Variants in DAB1 observed in about 807,000 individuals in gnomAD.
The protein encoded by DAB1 is disabled homolog 1.
Under a neutral mutation model 64.6 loss-of-function variants are expected in DAB1, and 15 were observed. The ratio of observed to expected loss-of-function variants is 0.23; its 90% CI spans 0.16 to 0.36. DAB1 has a LOEUF of 0.36. Ranked by LOEUF, DAB1 falls within the 10% of genes least tolerant of loss-of-function variation. DAB1 has a pLI of 1.00. For synonymous variants in DAB1, 235 were observed against 251.9 expected (o/e 0.93, Z 0.64); for missense variants, 596 against 706.7 (o/e 0.84, Z 1.78).
chr1:58,472,401 A>T (rs186875945), intron 3 of DAB1, among the ~76,000 whole-genome samples: 1 of 152,202 alleles, frequency 6.6e-6, no homozygotes, highest in Admixed American at 6.5e-5. Context: ...ATAACTTTAT[A>T]GTTTTTATTT....
intron 7 of DAB1, among the ~76,000 whole-genome samples, chr1:57,535,693 C>T (rs929135896): frequency 5.9e-5 from 9 of 152,048 alleles, no homozygotes; most frequent in Admixed American, 5.9e-4. Context: ...ATCTCCTGAC[C>T]TCGTGATCCA....
At chr1:58,493,031 A>C (rs936786854) in intron 3 of DAB1, among the ~76,000 whole-genome samples, 1 of 152,236 alleles carries the variant, frequency 6.6e-6, no homozygotes, top group Non-Finnish European at 1.5e-5. Flanking sequence ...AATACTGGCA[A>C]ACCAAATCCA....
chr1:57,337,644 G>A lies in DAB1; in HGVS notation c.-136-46478C>T, dbSNP rs564590564. Among the ~76,000 whole-genome samples the A allele has an allele frequency of 3.3e-4, 51 of 152,250 alleles. No individual in the cohort carries two copies. In the South Asian group the frequency reaches 8.1e-3, roughly 24 times the overall value. ...ATCCCATGATGGCAGAATCTGGTTG[G>A]TTTACTGCTGTATCTTCAGCACCTA... is the stretch of plus-strand genomic sequence containing the variant. On this transcript the variant is annotated intron_variant, in intron 1 of 14. Coordinates refer to ENST00000371236, the MANE Select transcript of DAB1 (RefSeq NM_001365792.1).
intron 3 of DAB1, among the ~76,000 whole-genome samples, chr1:58,381,137 C>T (rs965350881): frequency 2.0e-5 from 3 of 152,062 alleles, no homozygotes; most frequent in African/African-American, 7.2e-5. Context: ...CACGCTGGAG[C>T]CTGTCTCAGG....
intron 1 of DAB1, among the ~76,000 whole-genome samples, chr1:57,377,443 G>A (rs1157925397): frequency 6.6e-6 from 1 of 152,106 alleles, no homozygotes; most frequent in African/African-American, 2.4e-5. Context: ...AATCTTTGGG[G>A]AGAGGTGCCC....
At chr1:58,369,488 T>C (rs1644246144) in intron 3 of DAB1, among the ~76,000 whole-genome samples, 1 of 152,238 alleles carries the variant, frequency 6.6e-6, no homozygotes, top group Admixed American at 6.5e-5. Flanking sequence ...GTGCGTCTTA[T>C]AATCCATGAC....
At chr1:58,421,870 T>C (rs188543657) in intron 3 of DAB1, among the ~76,000 whole-genome samples, 3 of 152,172 alleles carry the variant, frequency 2.0e-5, no homozygotes, top group East Asian at 3.9e-4. Context: ...TGGGCAGTAG[T>C]ATAGGTTTTG....
At chr1:57,739,823 C>T (rs1312998002) in intron 6 of DAB1, among the ~76,000 whole-genome samples, 1 of 151,824 alleles carries the variant, frequency 6.6e-6, no homozygotes, top group East Asian at 2.0e-4. Context: ...TAAGAATTTT[C>T]ATCAGTAAAA....
intron 6 of DAB1, among the ~76,000 whole-genome samples, chr1:57,712,157 T>C (rs1462838017): frequency 6.6e-6 from 1 of 152,192 alleles, no homozygotes; most frequent in Non-Finnish European, 1.5e-5. Flanking sequence ...CATCTTATTT[T>C]AAGTGACATG....
rs369538192 is a variant in DAB1, at chr1:57,200,464, T to C, written c.68-55035A>G. 1.6e-4 allele frequency among the ~76,000 whole-genome samples: 24 copies of C among 152,294 alleles called. No individual in the cohort carries two copies. The East Asian group carries it at 2.7e-3, about 17-fold the overall frequency. ...AGTCTTGGTGCTATGTGTTATGTAG[T>C]ATAGTGGTTACGAGCATGTAGTGTG... On this transcript the variant is annotated intron_variant, in intron 2 of 14. Transcript: ENST00000371236.
intron 6 of DAB1, among the ~76,000 whole-genome samples, chr1:57,717,223 C>T (rs543478391): frequency 6.0e-5 from 9 of 149,282 alleles, no homozygotes; most frequent in South Asian, 2.2e-4. Context: ...GGCGACAGAG[C>T]GAGACTGTCT....
intron 5 of DAB1, among the ~76,000 whole-genome samples, chr1:57,972,441 CTA>C (rs1645820226): frequency 6.6e-6 from 1 of 152,034 alleles, no homozygotes; most frequent in East Asian, 1.9e-4. Context: ...CAGAGTCTTG[CTA>C]TGTTGCCCAG....
chr1:58,224,289 A>G (rs1163020404), intron 4 of DAB1, among the ~76,000 whole-genome samples: 2 of 152,218 alleles, frequency 1.3e-5, no homozygotes, highest in Non-Finnish European at 2.9e-5. Context: ...ACAAGAGCTT[A>G]AATGTAGCAG....
chr1:57,321,164 T>C (rs1451043540), intron 1 of DAB1, among the ~76,000 whole-genome samples: 4 of 152,206 alleles, frequency 2.6e-5, no homozygotes, highest in Non-Finnish European at 5.9e-5. Context: ...CGTATTATAC[T>C]GACTCCAATT....
chr1:57,294,535 A>G (rs182521836), intron 1 of DAB1, among the ~76,000 whole-genome samples: 253 of 152,176 alleles, frequency 1.7e-3, no homozygotes, highest in Middle Eastern at 6.8e-3. Context: ...AACCCATACT[A>G]TAACACACAT....
intron 1 of DAB1, among the ~76,000 whole-genome samples, chr1:57,329,660 CAAAAAAAA>C (rs57801886): frequency 5.9e-5 from 6 of 101,050 alleles, no homozygotes; most frequent in African/African-American, 1.2e-4. Context: ...TTGTCTCTTC[CAAAAAAAA>C]AAAAAAAAAA....
intron 5 of DAB1, among the ~76,000 whole-genome samples, chr1:57,889,902 G>GT (rs1273912832): frequency 1.6e-5 from 2 of 128,248 alleles, no homozygotes; most frequent in Non-Finnish European, 3.2e-5. Flanking sequence ...ACTGGGGCGG[G>GT]GGGGGGGGAG....
At chr1:58,268,262 A>G (rs931095590) in intron 4 of DAB1, among the ~76,000 whole-genome samples, 3 of 152,176 alleles carry the variant, frequency 2.0e-5, no homozygotes, top group African/African-American at 7.2e-5. Context: ...GTAAAAAAAT[A>G]CATATGAGAG....
intron 6 of DAB1, among the ~76,000 whole-genome samples, chr1:57,765,026 C>T (rs1649248529): frequency 1.3e-5 from 2 of 152,096 alleles, no homozygotes; most frequent in South Asian, 4.1e-4. Flanking sequence ...ATTATTTTTA[C>T]ACAACAAATT....
Sources: allele counts gnomAD v4.1 joint callset (sites outside exome capture counted in the v4.1 genomes callset), GRCh38; gene constraint gnomAD v4.1.1; transcripts MANE v1.5; gene names NCBI Gene and HGNC (gene_info 2026-07-23, HGNC 2026-07-21).